The following PMPCB variants were observed in gnomAD, a reference collection of about 807,000 sequenced individuals.
PMPCB encodes peptidase, mitochondrial processing subunit beta, also known as mitochondrial-processing peptidase subunit beta.
Under a neutral mutation model 61.5 loss-of-function variants are expected in PMPCB, and 46 were observed. The ratio of observed to expected loss-of-function variants is 0.75; its 90% CI spans 0.59 to 0.96. PMPCB has a LOEUF of 0.96. Ranked by LOEUF, PMPCB falls within the 40% of genes least tolerant of loss-of-function variation. The probability of loss-of-function intolerance (pLI) is 0.00; values close to 1 mark genes in which losing one functional copy is unlikely to be tolerated. For missense variants in PMPCB, 590 were observed against 602.4 expected (o/e 0.98, Z 0.22); for synonymous variants, 191 against 201.6 (o/e 0.95, Z 0.44).
the PMPCB span, chr7:103,344,623 G>A: frequency 1.9e-6 from 3 of 1,610,206 alleles, no homozygotes; most frequent in South Asian, 3.3e-5. Flanking sequence ...GAAGCAGCAT[G>A]ATGGCGCCGG....
chr7:103,334,433 G>A (rs1367268759), downstream of PMPCB, among the ~76,000 whole-genome samples: 2 of 151,780 alleles, frequency 1.3e-5, no homozygotes, highest in South Asian at 4.2e-4. Flanking sequence ...CATGTTGGCA[G>A]GTGCCTGTAA....
chr7:103,340,798 A>G, the PMPCB span, among the ~76,000 whole-genome samples: 1 of 152,210 alleles, frequency 6.6e-6, no homozygotes, highest in African/African-American at 2.4e-5. Context: ...ATGACTTCAA[A>G]AAGTCTTTGG....
chr7:103,325,026 G>A (rs1476117343), intron 12 of PMPCB, among the ~76,000 whole-genome samples: 2 of 152,124 alleles, frequency 1.3e-5, no homozygotes, highest in African/African-American at 4.8e-5. Flanking sequence ...AGATTTCTCG[G>A]CTCAGCACTT....
chr7:103,321,669 G>A (rs1415122161), intron 12 of PMPCB, among the ~76,000 whole-genome samples: 1 of 151,500 alleles, frequency 6.6e-6, no homozygotes, highest in African/African-American at 2.4e-5. Context: ...CCAACATGGC[G>A]AAACCCTGTC....
chr7:103,304,322 A>C, intron 5 of PMPCB, 89 bp from the exon 6 acceptor site: 1 of 790,380 alleles, frequency 1.3e-6, no homozygotes. Flanking sequence ...TTTAGGATAC[A>C]GTTATGGTCC....
At chr7:103,326,788 A>C in intron 12 of PMPCB, 1 of 1,213,396 alleles carries the variant, frequency 8.2e-7, no homozygotes, top group Non-Finnish European at 1.1e-6. Context: ...ATTAATTTTC[A>C]TATTTGAAAA....
chr7:103,311,500 A>C (rs1182364685), intron 9 of PMPCB, 143 bp from the exon 10 acceptor site: 1 of 626,416 alleles, frequency 1.6e-6, no homozygotes, highest in African/African-American at 1.8e-5. Context: ...TGGGGAAAAT[A>C]ATCATTTTAG....
intron 12 of PMPCB, chr7:103,327,820 G>T: frequency 1.0e-6 from 1 of 953,904 alleles, no homozygotes; most frequent in Non-Finnish European, 1.6e-6. Context: ...TGAGCTACAT[G>T]TAGACCATTT....
chr7:103,342,548 G>C, the PMPCB span, among the ~76,000 whole-genome samples: 3 of 151,488 alleles, frequency 2.0e-5, no homozygotes, highest in Admixed American at 6.6e-5. Flanking sequence ...CAGGTGATCT[G>C]CCTGCCTCGG....
At position 103,313,403 on chromosome 7, in the gene PMPCB, A is replaced by T; in HGVS notation, c.*1132A>T. ...ACACTCACCAGACTGGTAAAAAGCC[A>T]TATTTAAATTTATAGTACTGTTGGA... is the stretch of plus-strand genomic sequence containing the variant. On this transcript the variant is annotated 3_prime_UTR_variant, in exon 13 of 13. Transcript: ENST00000249269. The T allele has an allele frequency of 1.0e-6, 1 of 984,172 alleles. No individual in the cohort carries two copies. 61.0% of individuals were successfully genotyped at this position (984,172 alleles called of 1,614,324 possible). A position where few individuals can be genotyped will look rare whatever the true frequency, so the allele number is the denominator to read the frequency against.
intron 6 of PMPCB, among the ~76,000 whole-genome samples, chr7:103,305,341 A>G (rs934380543): frequency 6.6e-6 from 1 of 152,204 alleles, no homozygotes; most frequent in Non-Finnish European, 1.5e-5. Context: ...TTGACAACAG[A>G]TATTGCCAGA....
chr7:103,344,697 T>C, the PMPCB span: 11 of 1,490,588 alleles, frequency 7.4e-6, no homozygotes, highest in African/African-American at 1.4e-5. Context: ...CCCCTCCAGC[T>C]CTACCTCTCA....
At chr7:103,308,017 A>G (rs984108481) in intron 7 of PMPCB, among the ~76,000 whole-genome samples, 6 of 152,238 alleles carry the variant, frequency 3.9e-5, no homozygotes, top group East Asian at 1.9e-4. Context: ...CACTATGCCA[A>G]TTTACATATT....
At chr7:103,337,786 C>G in the PMPCB span, 6 of 1,613,240 alleles carry the variant, frequency 3.7e-6, no homozygotes, top group Non-Finnish European at 5.1e-6. Flanking sequence ...ATGGCCAAGT[C>G]CAAGAACTGC....
At chr7:103,330,644 G>A (rs967248246), downstream of PMPCB, among the ~76,000 whole-genome samples, 2 of 151,812 alleles carry the variant, frequency 1.3e-5, no homozygotes, top group African/African-American at 2.4e-5. Context: ...TAGAGACAGG[G>A]TTTCACCATG....
chr7:103,317,600 T>G (rs535710267), downstream of PMPCB, among the ~76,000 whole-genome samples: 22 of 152,298 alleles, frequency 1.4e-4, 1 homozygote, highest in South Asian at 3.5e-3. Context: ...AATGCTAACC[T>G]TGAAAAATTT....
At chr7:103,323,053 C>T (rs985581813) in intron 12 of PMPCB, among the ~76,000 whole-genome samples, 2 of 151,994 alleles carry the variant, frequency 1.3e-5, no homozygotes, top group South Asian at 2.1e-4. Context: ...CCTCAGCCTC[C>T]GGAGTAGCTG....
In PMPCB at chr7:103,327,637, C is replaced by T. The variant is rs1293784956; in HGVS notation, c.*1432-1294C>T. The T allele has an allele frequency of 9.4e-6, 14 of 1,496,592 alleles. No homozygotes were observed. In the Admixed American group the frequency reaches 2.1e-4, roughly 22 times the overall value. The allele number at this position is 1,496,592 out of a possible 1,614,324, so 92.7% of individuals were successfully genotyped here. A position where few individuals can be genotyped will look rare whatever the true frequency, so the allele number is the denominator to read the frequency against. On this transcript the variant is annotated intron_variant and NMD_transcript_variant, in intron 12 of 12. Coordinates refer to the PMPCB transcript ENST00000444457. ...AACAATTACTATTAGAAATTCCTGA[C>T]TCTAAAGCATTTTCTTACCTTTAGT...
rs139231286 is a variant in PMPCB at position 103,301,965 on chromosome 7, C to T, written c.457+1658C>T. On this transcript the variant is annotated intron_variant, in intron 4 of 12. Coordinates refer to ENST00000249269, the MANE Select transcript of PMPCB (RefSeq NM_004279.3). ...ATCCCTCCCTGCTCCCACCACCCCA[C>T]GACAGGCTCCGGTGTGTGATGTTCC... Among the ~76,000 whole-genome samples, 575 of 152,256 alleles carry T rather than the reference C, an allele frequency of 3.8e-3. 5 individuals are homozygous for T. The highest frequency in any genetic ancestry group is 0.014 in the African/African-American group (564 of 41,536).
Sources: gnomAD v4.1 joint callset for allele counts (sites outside exome capture counted in the v4.1 genomes callset) on GRCh38, gnomAD v4.1.1 for gene constraint, MANE v1.5 for transcripts, NCBI Gene and HGNC (gene_info 2026-07-23, HGNC 2026-07-21) for gene names.